Variants in KIAA1217 observed in about 807,000 individuals in gnomAD.
KIAA1217 encodes KIAA1217, also known as sickle tail protein homolog.
Under a neutral mutation model 163.9 loss-of-function variants are expected in KIAA1217, and 88 were observed. The observed-to-expected ratio is 0.54, with a 90% CI of 0.45 to 0.64. KIAA1217 has a LOEUF of 0.64. Among genes scored for constraint, KIAA1217 ranks in the 30% least tolerant of loss-of-function variants. The probability of loss-of-function intolerance (pLI) is 0.00; values close to 1 mark genes in which losing one functional copy is unlikely to be tolerated. For synonymous variants in KIAA1217, 903 were observed against 923.1 expected (o/e 0.98, Z 0.39); for missense variants, 2,372 against 2,475.0 (o/e 0.96, Z 0.88).
At chr10:23,907,606 C>CAG (rs892535724) in intron 1 of KIAA1217, among the ~76,000 whole-genome samples, 1 of 152,062 alleles carries the variant, frequency 6.6e-6, no homozygotes, top group East Asian at 1.9e-4. Context: ...CCAGCTGACA[C>CAG]AGAGAGAGAG....
At chr10:24,416,071 CT>C (rs1398988499) in intron 3 of KIAA1217, among the ~76,000 whole-genome samples, 1 of 152,178 alleles carries the variant, frequency 6.6e-6, no homozygotes. Flanking sequence ...CAGCTGTACC[CT>C]GTTACAAGGG....
intron 1 of KIAA1217, among the ~76,000 whole-genome samples, chr10:23,901,617 T>G (rs988275578): frequency 6.6e-6 from 1 of 152,024 alleles, no homozygotes; most frequent in Admixed American, 6.6e-5. Flanking sequence ...AGCTAAGAAC[T>G]GAAATATTTG....
At chr10:24,516,671 G>A (rs947702821) in intron 10 of KIAA1217, among the ~76,000 whole-genome samples, 4 of 152,216 alleles carry the variant, frequency 2.6e-5, no homozygotes, top group African/African-American at 7.2e-5. Flanking sequence ...TGGTGATCAT[G>A]TGCCGGACTG....
At chr10:23,971,135 T>A (rs1346239050) in intron 1 of KIAA1217, among the ~76,000 whole-genome samples, 1 of 152,212 alleles carries the variant, frequency 6.6e-6, no homozygotes, top group East Asian at 1.9e-4. Context: ...TGTTTTCCCG[T>A]GTGCACAGTG....
At chr10:24,218,744 C>A (rs150890552) in intron 1 of KIAA1217, among the ~76,000 whole-genome samples, 4,093 of 152,228 alleles carry the variant, frequency 0.027, 95 homozygotes, top group Non-Finnish European at 0.036. Flanking sequence ...CCGCCTCGGC[C>A]TCCCAAAGTG....
intron 1 of KIAA1217, among the ~76,000 whole-genome samples, chr10:23,787,237 A>G (rs1162868209): frequency 6.6e-6 from 1 of 152,226 alleles, no homozygotes; most frequent in African/African-American, 2.4e-5. Flanking sequence ...TGTGATAAAT[A>G]CAAAAATCCT....
rs775842962 is a variant in KIAA1217, at chr10:24,543,310, A to G, written c.4040A>G (p.Gln1347Arg). 1 of 1,614,136 alleles carries G rather than the reference A, an allele frequency of 6.2e-7. No individual in the cohort carries two copies. The highest frequency in any genetic ancestry group is 1.1e-5 in the South Asian group (1 of 91,068). The stretch of plus-strand genomic sequence containing the variant: ...GAGGTTATCACGACAGATTTTGGCC[A>G]AGTTGTTCTAAGACCCAAGGAGGCA... ...DQEVITTDFG[Q>R]VVLRPKEARH... Residue 1347 changes from glutamine to arginine, a missense_variant, in exon 19 of 21, where the codon CAA becomes CGA. Gln to Arg is a conservative substitution (Grantham distance 43). Transcript: ENST00000376454.
chr10:23,835,760 T>C (rs551516425), intron 1 of KIAA1217, among the ~76,000 whole-genome samples: 10 of 152,298 alleles, frequency 6.6e-5, no homozygotes, highest in South Asian at 2.1e-4. Flanking sequence ...CTATCCCATT[T>C]CACATATAGC....
intron 1 of KIAA1217, among the ~76,000 whole-genome samples, chr10:23,762,713 A>G (rs1264944932): frequency 6.6e-6 from 1 of 152,220 alleles, no homozygotes; most frequent in Non-Finnish European, 1.5e-5. Flanking sequence ...GGCACAAGAC[A>G]AGAATACTCT....
chr10:24,499,745 A>T (rs896481018), intron 8 of KIAA1217, among the ~76,000 whole-genome samples: 16 of 152,150 alleles, frequency 1.1e-4, no homozygotes, highest in African/African-American at 3.9e-4. Flanking sequence ...AAAAAAAGAA[A>T]GAAAGAAACA....
intron 1 of KIAA1217, among the ~76,000 whole-genome samples, chr10:24,003,316 C>G (rs1041074872): frequency 3.9e-5 from 6 of 152,108 alleles, no homozygotes; most frequent in Non-Finnish European, 7.3e-5. Context: ...ACGCCAACAT[C>G]TATTATTTTT....
chr10:23,818,694 G>C (rs1358467694), intron 1 of KIAA1217, among the ~76,000 whole-genome samples: 1 of 152,150 alleles, frequency 6.6e-6, no homozygotes, highest in Non-Finnish European at 1.5e-5. Flanking sequence ...ATCAGCAGGG[G>C]AGCATGAAGG....
intron 2 of KIAA1217, among the ~76,000 whole-genome samples, chr10:24,092,680 T>A (rs2061978030): frequency 6.6e-6 from 1 of 151,244 alleles, no homozygotes; most frequent in Non-Finnish European, 1.5e-5. Flanking sequence ...ATGATTTCAC[T>A]GATAACGTTA....
chr10:24,426,827 T>C (rs780054167), intron 3 of KIAA1217, among the ~76,000 whole-genome samples: 1 of 152,038 alleles, frequency 6.6e-6, no homozygotes, highest in Non-Finnish European at 1.5e-5. Context: ...CCGTAAGAGG[T>C]CCAGTCCCAC....
intron 2 of KIAA1217, among the ~76,000 whole-genome samples, chr10:24,086,155 T>C (rs574714599): frequency 6.6e-6 from 1 of 152,186 alleles, no homozygotes; most frequent in Admixed American, 6.5e-5. Context: ...CTGGTCTTGA[T>C]TGTTAATAGA....
At chr10:24,147,518 G>A (rs988984858) in intron 2 of KIAA1217, among the ~76,000 whole-genome samples, 3 of 152,114 alleles carry the variant, frequency 2.0e-5, no homozygotes, top group African/African-American at 7.2e-5. Context: ...TGTCAGAAAT[G>A]TGTGCTGAGT....
At chr10:24,021,593 T>C (rs1847734938) in intron 2 of KIAA1217, among the ~76,000 whole-genome samples, 1 of 151,922 alleles carries the variant, frequency 6.6e-6, no homozygotes, top group Non-Finnish European at 1.5e-5. Context: ...ATTGACAAAC[T>C]GATCTAAAGT....
chr10:23,992,968 T>C (rs1846283854), intron 1 of KIAA1217, among the ~76,000 whole-genome samples: 1 of 150,612 alleles, frequency 6.6e-6, no homozygotes, highest in African/African-American at 2.5e-5. Context: ...TTTGCTTATA[T>C]GTCATTTAAG....
At chr10:24,020,529 C>T (rs1160282297) in intron 2 of KIAA1217, among the ~76,000 whole-genome samples, 1 of 151,994 alleles carries the variant, frequency 6.6e-6, no homozygotes, top group Non-Finnish European at 1.5e-5. Flanking sequence ...GATTGGGAAG[C>T]ACGGGTGCCT....
Sources: gnomAD v4.1 joint callset for allele counts (sites outside exome capture counted in the v4.1 genomes callset) on GRCh38, gnomAD v4.1.1 for gene constraint, MANE v1.5 for transcripts, NCBI Gene and HGNC (gene_info 2026-07-23, HGNC 2026-07-21) for gene names.